Variants in BRCA1 observed in about 807,000 individuals in gnomAD.
BRCA1 encodes the protein breast cancer type 1 susceptibility protein.
A neutral mutation model predicts 173.7 loss-of-function variants in BRCA1; 140 were observed. The observed-to-expected ratio is 0.81, with a 90% CI of 0.70 to 0.93. BRCA1 has a LOEUF of 0.93. BRCA1 is among the 40% of genes least tolerant of loss of function. The pLI is 0.00. For missense variants in BRCA1, 1,983 were observed against 2,172.5 expected (o/e 0.91, Z 1.73); for synonymous variants, 662 against 756.0 (o/e 0.88, Z 2.04).
At chr17:43,059,469 CACAACAACAACAACAACAACA>C (rs746155740) in intron 18 of BRCA1, among the ~76,000 whole-genome samples, 9 of 147,440 alleles carry the variant, frequency 6.1e-5, no homozygotes, top group African/African-American at 2.3e-4. Flanking sequence ...GAGATGCTGT[CACAACAACAACAACAACAACA>C]ACAACAACAA....
chr17:43,122,897 A>AT (rs1467674577), intron 2 of BRCA1, among the ~76,000 whole-genome samples: 40 of 151,810 alleles, frequency 2.6e-4, no homozygotes, highest in Non-Finnish European at 2.9e-5. Flanking sequence ...AAGAAAAAAA[A>AT]ATACAAAAAA....
At position 43,051,406 on chromosome 17, in the gene BRCA1, A is replaced by T. The variant is rs547453216; in HGVS notation, c.5278-289T>A. Among the ~76,000 whole-genome samples, 50 of 152,278 alleles carry T rather than the reference A, an allele frequency of 3.3e-4. No individual in the cohort carries two copies. The Middle Eastern group carries it at 0.01, about 31-fold the overall frequency. On this transcript the variant is annotated intron_variant, in intron 19 of 22. Transcript: ENST00000357654. ...GACTGAGCATCTCACTTTTGTCACC[A>T]ATCAGGCCAAGGCTCCTCCCTAATG... is the stretch of plus-strand genomic sequence containing the variant.
intron 12 of BRCA1, 91 bp downstream of exon 12, chr17:43,082,313 T>G: frequency 7.4e-7 from 1 of 1,356,878 alleles, no homozygotes; most frequent in East Asian, 2.3e-5. Context: ...GATCATAAAA[T>G]GTTGGAGCTA....
rs188840263 is a variant in BRCA1 at position 43,115,892 on chromosome 17, C to A, written c.81-113G>T. ...CTTTGAGCTGTTATGACTGAGTCAA[C>A]ATAAGGCCTCAAGTTCGTTCAATAT... On this transcript the variant is annotated intron_variant, in intron 2 of 22. Coordinates refer to ENST00000357654, the MANE Select transcript of BRCA1 (RefSeq NM_007294.4). The A allele has an allele frequency of 6.7e-6, 7 of 1,050,130 alleles. No homozygotes were observed. In the East Asian group the frequency reaches 1.8e-4, roughly 28 times the overall value. 65.1% of individuals were successfully genotyped at this position (1,050,130 alleles called of 1,614,324 possible). A position where few individuals can be genotyped will look rare whatever the true frequency, so the allele number is the denominator to read the frequency against.
rs80357175 is a variant in BRCA1, at chr17:43,092,077, C to T, written c.3454G>A (p.Asp1152Asn). Residue 1152 changes from aspartate (D) to asparagine (N), a missense_variant, in exon 10 of 23, where the codon GAC (aspartate) becomes AAC (asparagine). By Grantham distance (23) the Asp-to-Asn change is conservative. Coordinates refer to ENST00000357654, the MANE Select transcript of BRCA1 (RefSeq NM_007294.4). ...TTTATTTCACCATCATCTAACAGGTCATCAGGTGTCTCAGAACAAACCTGA... is the reference window on the plus strand; with the variant it reads ...TTTATTTCACCATCATCTAACAGGTTATCAGGTGTCTCAGAACAAACCTGA... ...ASQVCSETPD[D>N]LLDDGEIKED... 2.7e-5 allele frequency: 44 copies of T among 1,613,928 alleles called. 1 individual carries two copies. Among genetic ancestry groups the T allele is most frequent in the Non-Finnish European group, 3.7e-5 (44 of 1,180,036 alleles).
intron 7 of BRCA1, 53 bp from the exon 8 acceptor site, chr17:43,097,342 G>T: frequency 7.0e-7 from 1 of 1,420,324 alleles, no homozygotes; most frequent in Admixed American, 1.7e-5. Context: ...TTAATTAAAA[G>T]GGTTAAAAAA....
chr17:43,047,021 T>G (rs1295525874), intron 22 of BRCA1, among the ~76,000 whole-genome samples: 1 of 152,194 alleles, frequency 6.6e-6, no homozygotes, highest in Non-Finnish European at 1.5e-5. Flanking sequence ...TACGCACATA[T>G]GCCTGGTGGA....
chr17:43,124,483 C>T (rs2055772682), intron 1 of BRCA1, among the ~76,000 whole-genome samples: 2 of 152,126 alleles, frequency 1.3e-5, no homozygotes, highest in Non-Finnish European at 2.9e-5. Flanking sequence ...AACGACCAAA[C>T]CAACACCAAT....
intron 1 of BRCA1, chr17:43,168,248 ATC>A (rs1406694056): frequency 7.1e-6 from 3 of 421,122 alleles, no homozygotes; most frequent in Admixed American, 6.3e-5. Context: ...AGATAAATCT[ATC>A]TCTTTCTGTT....
At chr17:43,082,742 A>G in intron 11 of BRCA1, 167 bp from the exon 12 acceptor site, 1 of 705,426 alleles carries the variant, frequency 1.4e-6, no homozygotes, top group Non-Finnish European at 2.4e-6. Context: ...TCATGCAATT[A>G]ATGCCCATGA....
chr17:43,149,265 GTT>G (rs57452879), intron 1 of BRCA1, among the ~76,000 whole-genome samples: 4,919 of 116,862 alleles, frequency 0.042, 256 homozygotes, highest in African/African-American at 0.13. Context: ...CACCGGGCTA[GTT>G]TTTTTTTTTT....
intron 13 of BRCA1, among the ~76,000 whole-genome samples, chr17:43,075,698 G>A (rs879738102): frequency 7.2e-5 from 11 of 152,004 alleles, no homozygotes; most frequent in Non-Finnish European, 1.2e-4. Context: ...GAGTAGCTGG[G>A]ATTACAGGCA....
chr17:43,107,236 T>C (rs1191493205), intron 3 of BRCA1, among the ~76,000 whole-genome samples: 1 of 151,552 alleles, frequency 6.6e-6, no homozygotes, highest in African/African-American at 2.4e-5. Context: ...GGCTAATTTT[T>C]TTATTTTTAG....
chr17:43,052,805 ACACACACACACACACACACT>A (rs1164633409), intron 19 of BRCA1, among the ~76,000 whole-genome samples: 77 of 117,546 alleles, frequency 6.6e-4, no homozygotes, highest in African/African-American at 9.6e-4. Flanking sequence ...ACACACACAC[ACACACACACACACACACACT>A]CTCTTACTTT....
In BRCA1 at chr17:43,074,603, A is replaced by G. The variant is rs1442262896; in HGVS notation, c.4485-82T>C. On this transcript the variant is annotated intron_variant, in intron 13 of 22. Transcript: ENST00000357654. Reference sequence around the variant, plus strand: ...ATACTTGCTGGGCAGCCAAAGCATAAATGAAACAGCTCATGTCAGAGAGAT... The same window carrying G: ...ATACTTGCTGGGCAGCCAAAGCATAGATGAAACAGCTCATGTCAGAGAGAT... 26 of 1,255,906 alleles carry G rather than the reference A, an allele frequency of 2.1e-5. No homozygotes were observed. The African/African-American group carries it at 3.0e-4, about 14-fold the overall frequency. 77.8% of individuals were successfully genotyped at this position (1,255,906 alleles called of 1,614,324 possible). A position where few individuals can be genotyped will look rare whatever the true frequency, so the allele number is the denominator to read the frequency against.
intron 2 of BRCA1, among the ~76,000 whole-genome samples, chr17:43,120,017 A>G (rs1321411725): frequency 6.6e-6 from 1 of 152,220 alleles, no homozygotes; most frequent in African/African-American, 2.4e-5. Flanking sequence ...AATGATTCAA[A>G]TATTTTAAAC....
intron 15 of BRCA1, among the ~76,000 whole-genome samples, chr17:43,069,617 T>C (rs898275741): frequency 1.2e-4 from 18 of 152,130 alleles, no homozygotes; most frequent in Non-Finnish European, 1.9e-4. Context: ...TCAGAGCAAA[T>C]TGCTGGTCTG....
chr17:43,140,959 T>C (rs1391873993), intron 1 of BRCA1, among the ~76,000 whole-genome samples: 4 of 152,242 alleles, frequency 2.6e-5, no homozygotes, highest in Non-Finnish European at 4.4e-5. Context: ...GCAGATTTCA[T>C]TGGAATCAGA....
chr17:43,048,243 C>T (rs987581804), intron 21 of BRCA1, among the ~76,000 whole-genome samples: 3 of 152,154 alleles, frequency 2.0e-5, no homozygotes, highest in Non-Finnish European at 4.4e-5. Flanking sequence ...CGCTCTGTCG[C>T]CCGGGCTGGA....
Sources: gnomAD v4.1 joint callset for allele counts (sites outside exome capture counted in the v4.1 genomes callset) on GRCh38, gnomAD v4.1.1 for gene constraint, MANE v1.5 for transcripts, NCBI Gene and HGNC (gene_info 2026-07-23, HGNC 2026-07-21) for gene names.